COL6A2: variants seen among roughly 807,000 people sequenced by gnomAD.
COL6A2 encodes the protein collagen type VI alpha 2 chain.
In COL6A2, 90 loss-of-function variants were observed where a neutral mutation model predicts 124.9. The observed-to-expected ratio is 0.72, with a 90% CI of 0.61 to 0.86. The LOEUF (loss-of-function observed/expected upper bound fraction) is 0.86. Among genes scored for constraint, COL6A2 ranks in the 40% least tolerant of loss-of-function variants. The pLI is 0.00. For missense variants in COL6A2, 1,607 were observed against 1,502.5 expected (o/e 1.07, Z -1.15); for synonymous variants, 793 against 618.2 (o/e 1.28, Z -4.19).
chr21:46,110,312 A>G (rs540885904), intron 1 of COL6A2, among the ~76,000 whole-genome samples: 12 of 151,944 alleles, frequency 7.9e-5, no homozygotes, highest in African/African-American at 2.9e-4. Flanking sequence ...TTATAGTGAT[A>G]TTTATCTGTA....
chr21:46,130,235 C>T (rs2078743427), intron 27 of COL6A2, among the ~76,000 whole-genome samples: 1 of 152,226 alleles, frequency 6.6e-6, no homozygotes, highest in African/African-American at 2.4e-5. Context: ...ACCCTTCCAG[C>T]CCAACCTCTG....
intron 21 of COL6A2, among the ~76,000 whole-genome samples, chr21:46,123,537 AAATG>A (rs2078600591): frequency 6.6e-6 from 1 of 151,714 alleles, no homozygotes; most frequent in Non-Finnish European, 1.5e-5. Context: ...GGGGGTGGGC[AAATG>A]GATGGATGGG....
intron 19 of COL6A2, 143 bp from the exon 20 acceptor site, chr21:46,122,353 C>G (rs1025367647): frequency 6.9e-6 from 9 of 1,302,202 alleles, no homozygotes; most frequent in Non-Finnish European, 1.0e-5. Flanking sequence ...AGGAAAAGAG[C>G]ACAGCTCAGA....
intron 27 of COL6A2, chr21:46,129,526 C>A: frequency 6.6e-7 from 1 of 1,523,222 alleles, no homozygotes; most frequent in Non-Finnish European, 8.8e-7. Flanking sequence ...CTGGGCCCTC[C>A]CTGCCACACT....
chr21:46,116,732 C>T lies in COL6A2; in HGVS notation c.955-38C>T. The T allele has an allele frequency of 6.2e-7, 1 of 1,613,060 alleles. No homozygotes were observed. Among genetic ancestry groups the T allele is most frequent in the Non-Finnish European group, 8.5e-7 (1 of 1,179,972 alleles). ...CTTCCTGCTGCTCAGGGCAGAAGGA[C>T]CGGGGCTAATGGAGTTCCCTCTTCC... On this transcript the variant is annotated intron_variant, in intron 9 of 27. Coordinates refer to ENST00000300527, the MANE Select transcript of COL6A2 (RefSeq NM_001849.4). The surrounding 1 kb of genome is among the most constrained non-coding windows in gnomAD (Gnocchi z 4.6).
Position 46,116,918 on chromosome 21 carries a change from C to T in COL6A2, c.999+104C>T. 2.3e-6 allele frequency: 2 copies of T among 857,356 alleles called. No individual in the cohort carries two copies. Among genetic ancestry groups the T allele is most frequent in the Non-Finnish European group, 3.6e-6 (2 of 551,466 alleles). 53.1% of individuals were successfully genotyped at this position (857,356 alleles called of 1,614,324 possible). A position where few individuals can be genotyped will look rare whatever the true frequency, so the allele number is the denominator to read the frequency against. On this transcript the variant is annotated intron_variant, in intron 10 of 27. Coordinates refer to ENST00000300527, the MANE Select transcript of COL6A2 (RefSeq NM_001849.4). This position sits in a 1 kb window ranked among gnomAD's most constrained non-coding sequence, Gnocchi z 4.6. ...TGATCTGTCAGCTTACACATGTGTACACACGCATACACACACACACACACA... is the reference window on the plus strand; with the variant it reads ...TGATCTGTCAGCTTACACATGTGTATACACGCATACACACACACACACACA...
At chr21:46,107,370 A>G (rs537250751) in intron 1 of COL6A2, among the ~76,000 whole-genome samples, 4 of 152,224 alleles carry the variant, frequency 2.6e-5, no homozygotes, top group East Asian at 3.9e-4. Flanking sequence ...CTTACTTTCC[A>G]TCTGACTCTG....
At chr21:46,114,919 G>A (rs1211175587) in intron 5 of COL6A2, among the ~76,000 whole-genome samples, 5 of 152,264 alleles carry the variant, frequency 3.3e-5, no homozygotes, top group Admixed American at 6.5e-5. Context: ...CATCATAGAG[G>A]ATGTTACTGC....
chr21:46,103,960 G>A (rs1198792848), intron 1 of COL6A2, among the ~76,000 whole-genome samples: 1 of 152,134 alleles, frequency 6.6e-6, no homozygotes, highest in Non-Finnish European at 1.5e-5. Context: ...AACCATATAT[G>A]TGGAGAAAAT....
chr21:46,117,256 C>T (rs1448176780), intron 10 of COL6A2, 144 bp from the exon 11 acceptor site: 7 of 788,702 alleles, frequency 8.9e-6, no homozygotes, highest in African/African-American at 1.7e-5. Context: ...CCACAGCAGC[C>T]GTGGCCTCAT....
In COL6A2 at chr21:46,116,103, G is replaced by T; in HGVS notation, c.900+50G>T. On this transcript the variant is annotated intron_variant, in intron 7 of 27. Coordinates refer to ENST00000300527, the MANE Select transcript of COL6A2 (RefSeq NM_001849.4). The surrounding 1 kb of genome is among the most constrained non-coding windows in gnomAD (Gnocchi z 4.6). ...GGCTCCACCCTGAGGCCCCAGCACT[G>T]CCAGGCAGGCTCCCCCCAGCCCAGC... 1 of 1,534,926 alleles carries T rather than the reference G, an allele frequency of 6.5e-7. No individual in the cohort carries two copies. The highest frequency in any genetic ancestry group is 8.8e-7 in the Non-Finnish European group (1 of 1,132,686).
At chr21:46,106,126 C>T (rs1431803859) in intron 1 of COL6A2, among the ~76,000 whole-genome samples, 1 of 152,090 alleles carries the variant, frequency 6.6e-6, no homozygotes, top group Non-Finnish European at 1.5e-5. Context: ...AAAAAGGTTA[C>T]AAGAGGGAAA....
chr21:46,119,086 C>G lies in COL6A2; in HGVS notation c.1236C>G (p.Gly412=), dbSNP rs752255976. The part of the protein sequence containing the change: ...PGSPGVKGAK[G]GPGPRGPKGE... ...GTCCTGGTGTGAAAGGAGCCAAGGG[C>G]GGGCCTGGGCCCCGCGGACCCAAAG... The change falls in exon 14 of 28, where the codon GGC becomes GGG. Residue 412 remains glycine (G), a synonymous_variant. Coordinates refer to ENST00000300527, the MANE Select transcript of COL6A2 (RefSeq NM_001849.4). 3.7e-6 allele frequency: 6 copies of G among 1,612,568 alleles called. No individual in the cohort carries two copies. Among genetic ancestry groups the G allele is most frequent in the African/African-American group, 1.3e-5 (1 of 75,036 alleles).
chr21:46,117,653 C>A, intron 11 of COL6A2, 200 bp downstream of exon 11: 1 of 740,912 alleles, frequency 1.3e-6, no homozygotes, highest in Non-Finnish European at 2.3e-6. Flanking sequence ...GGCGGATCCC[C>A]GTGGCCTGGA....
intron 1 of COL6A2, among the ~76,000 whole-genome samples, chr21:46,109,120 G>A (rs2078367129): frequency 6.6e-6 from 1 of 152,038 alleles, no homozygotes; most frequent in South Asian, 2.1e-4. Flanking sequence ...TAGCAGAGAG[G>A]AGGCCCTCGA....
In COL6A2 at chr21:46,120,536, C is replaced by T. The variant is rs1269914621; in HGVS notation, c.1354C>T (p.Pro452Ser). The T allele has an allele frequency of 1.3e-6, 2 of 1,482,716 alleles. No homozygotes were observed. Among genetic ancestry groups the T allele is most frequent in the Non-Finnish European group, 1.8e-6 (2 of 1,118,580 alleles). 91.8% of individuals were successfully genotyped at this position (1,482,716 alleles called of 1,614,324 possible). A position where few individuals can be genotyped will look rare whatever the true frequency, so the allele number is the denominator to read the frequency against. Reference sequence around the variant, plus strand: ...ACAGGGGGACCCTGGCCCTGAGGGGCCCCGCGGCCTGGCTGGAGAGGTTGG... The same window carrying T: ...ACAGGGGGACCCTGGCCCTGAGGGGTCCCGCGGCCTGGCTGGAGAGGTTGG... ...GEKGDPGPEG[P>S]RGLAGEVGNK... The change falls in exon 16 of 28, where the codon CCC (proline) becomes TCC (serine). Residue 452 changes from proline (P) to serine (S), a missense_variant. Around this residue, in one of 3 missense-constraint regions of COL6A2, gnomAD observed 1,223 missense variants for 1,052.2 expected, o/e 1.16. Transcript: ENST00000300527.
intron 1 of COL6A2, chr21:46,098,985 G>T (rs1250317187): frequency 6.6e-6 from 1 of 152,360 alleles, no homozygotes; most frequent in Non-Finnish European, 1.5e-5. Flanking sequence ...GCCCATCCGG[G>T]CTGTGCCAGC....
intron 12 of COL6A2, 70 bp downstream of exon 12, chr21:46,118,006 CAGCTGAGAAGCTG>C: frequency 6.8e-7 from 1 of 1,473,400 alleles, no homozygotes; most frequent in Non-Finnish European, 9.3e-7. Context: ...GAGGCAGCCC[CAGCTGAGAAGCTG>C]AGCAGAGAGG....
At chr21:46,131,676 G>A (rs1234805652) in intron 27 of COL6A2, among the ~76,000 whole-genome samples, 1 of 152,210 alleles carries the variant, frequency 6.6e-6, no homozygotes, top group Non-Finnish European at 1.5e-5. Flanking sequence ...CCTGTGCAGG[G>A]ATGGTGCTCA....
Sources: gnomAD v4.1 joint callset for allele counts (sites outside exome capture counted in the v4.1 genomes callset) on GRCh38, gnomAD v4.1.1 for gene constraint, gnomAD v4.1.1 regional missense constraint, Gnocchi (gnomAD v3.1) non-coding constraint, MANE v1.5 for transcripts, NCBI Gene and HGNC (gene_info 2026-07-23, HGNC 2026-07-21) for gene names.